Variants in MMP24 observed in about 807,000 individuals in gnomAD.
MMP24 encodes matrix metalloproteinase-24.
MMP24 carries 25 observed loss-of-function variants against 62.8 expected under a neutral mutation model. That is an observed-to-expected ratio of 0.40 (90% CI 0.29 to 0.56). MMP24 has a LOEUF of 0.56. Ranked by LOEUF, MMP24 falls within the 20% of genes least tolerant of loss-of-function variation. MMP24 has a pLI of 0.50. For missense variants in MMP24, 634 were observed against 853.6 expected (o/e 0.74, Z 3.21); for synonymous variants, 319 against 350.5 (o/e 0.91, Z 1.00).
chr20:35,251,345 G>A (rs766381663), intron 2 of MMP24, among the ~76,000 whole-genome samples: 2 of 151,750 alleles, frequency 1.3e-5, no homozygotes, highest in East Asian at 1.9e-4. Flanking sequence ...GGCTGGTCTC[G>A]AACTCCTGAC....
rs1328121199 is a variant in MMP24 at position 35,274,031 on chromosome 20, T to C, written c.1601-241T>C. On this transcript the variant is annotated intron_variant, in intron 8 of 8. Transcript: ENST00000246186. The surrounding 1 kb of genome is among the most constrained non-coding windows in gnomAD (Gnocchi z 5.1). Reference sequence around the variant, plus strand: ...CAGCACAAAGTGAACCATGTCCCAGTTCTCCCTGAAGCCCCTCTGGTTTCC... The same window carrying C: ...CAGCACAAAGTGAACCATGTCCCAGCTCTCCCTGAAGCCCCTCTGGTTTCC... 6.6e-6 allele frequency among the ~76,000 whole-genome samples: 1 copy of C among 152,130 alleles called. No homozygotes were observed. The highest frequency in any genetic ancestry group is 1.9e-4 in the East Asian group (1 of 5,182).
At chr20:35,246,147 C>T (rs1273248152) in intron 1 of MMP24, among the ~76,000 whole-genome samples, 2 of 152,024 alleles carry the variant, frequency 1.3e-5, no homozygotes, top group South Asian at 2.1e-4. Context: ...CAAAATACCA[C>T]TCTGCATCAC....
chr20:35,230,699 A>G (rs2060433759), intron 1 of MMP24, among the ~76,000 whole-genome samples: 1 of 152,172 alleles, frequency 6.6e-6, no homozygotes, highest in Non-Finnish European at 1.5e-5. Context: ...GATAACCGTG[A>G]CCTTAGAGAT....
At chr20:35,244,691 T>C (rs2425023) in intron 1 of MMP24, among the ~76,000 whole-genome samples, 72,041 of 149,518 alleles carry the variant, frequency 0.48, 21,035 homozygotes, top group African/African-American at 0.85. Context: ...CCACCCACCT[T>C]GGCCTTCCAA....
chr20:35,259,504 G>A (rs920868668), intron 4 of MMP24, among the ~76,000 whole-genome samples: 2 of 152,162 alleles, frequency 1.3e-5, no homozygotes, highest in Non-Finnish European at 2.9e-5. Flanking sequence ...CTGCTGGGAG[G>A]GCACAGCAGA....
In MMP24 at chr20:35,276,896, A is replaced by C. The variant is rs1248539151; in HGVS notation, c.*2287A>C. ...GGGCCCCAGAGCCTAGCTTCCCCTC[A>C]GCCTGGGGGACATCACAGCATTTCA... On this transcript the variant is annotated 3_prime_UTR_variant, in exon 9 of 9. Coordinates refer to ENST00000246186, the MANE Select transcript of MMP24 (RefSeq NM_006690.4). 2 of 152,810 alleles carry C rather than the reference A, an allele frequency of 1.3e-5. No homozygotes were observed. The highest frequency in any genetic ancestry group is 4.8e-5 in the African/African-American group (2 of 41,476). 9.5% of individuals were successfully genotyped at this position (152,810 alleles called of 1,614,324 possible).
chr20:35,275,706 ACTACTCTGAGGCCGACTCCAG>A lies in MMP24; in HGVS notation c.*1116_*1136del, dbSNP rs1281296388. 19 of 253,866 alleles carry A rather than the reference ACTACTCTGAGGCCGACTCCAG, an allele frequency of 7.5e-5. No individual in the cohort carries two copies. Among genetic ancestry groups the A allele is most frequent in the African/African-American group, 2.0e-4 (9 of 45,032 alleles). The allele number at this position is 253,866 out of a possible 1,614,324, so 15.7% of individuals were successfully genotyped here. ...GGCGTCTGAAGTGCTCAGTGCCCCC[ACTACTCTGAGGCCGACTCCAG>A]CTACTCTGAGGCCGACTCAATCTCT... On this transcript the variant is annotated 3_prime_UTR_variant, in exon 9 of 9. Coordinates refer to ENST00000246186, the MANE Select transcript of MMP24 (RefSeq NM_006690.4).
chr20:35,229,342 C>T (rs755152468), intron 1 of MMP24, among the ~76,000 whole-genome samples: 1 of 152,176 alleles, frequency 6.6e-6, no homozygotes, highest in Non-Finnish European at 1.5e-5. Flanking sequence ...TTAAGTGAGA[C>T]AGGTCCCAGC....
At chr20:35,262,612 T>C (rs999328706) in intron 4 of MMP24, 3 of 148,290 alleles carry the variant, frequency 2.0e-5, no homozygotes, top group Non-Finnish European at 4.5e-5. Context: ...GCCTTCCTCT[T>C]GTCTCAACTG....
intron 1 of MMP24, among the ~76,000 whole-genome samples, chr20:35,233,694 C>T (rs1267664098): frequency 2.6e-5 from 4 of 152,146 alleles, no homozygotes; most frequent in African/African-American, 7.2e-5. Flanking sequence ...TTATGGAAAA[C>T]TTTCAAATGC....
intron 1 of MMP24, among the ~76,000 whole-genome samples, chr20:35,231,548 TG>T (rs1384599399): frequency 1.3e-5 from 2 of 152,232 alleles, no homozygotes; most frequent in Non-Finnish European, 2.9e-5. Context: ...ATTTTTACTG[TG>T]GGGTTTCATA....
At chr20:35,272,387 T>C (rs536574617) in intron 8 of MMP24, among the ~76,000 whole-genome samples, 1 of 152,174 alleles carries the variant, frequency 6.6e-6, no homozygotes, top group Non-Finnish European at 1.5e-5. Context: ...TATAGGCACA[T>C]GCCACTGTGC....
intron 1 of MMP24, among the ~76,000 whole-genome samples, chr20:35,242,910 G>A (rs2060496091): frequency 6.6e-6 from 1 of 152,218 alleles, no homozygotes; most frequent in African/African-American, 2.4e-5. Flanking sequence ...AGGCACGGTG[G>A]CTCATGCCTG....
chr20:35,234,382 G>A (rs1032535524), intron 1 of MMP24, among the ~76,000 whole-genome samples: 2 of 152,170 alleles, frequency 1.3e-5, no homozygotes, highest in African/African-American at 4.8e-5. Context: ...CTCTCCCACC[G>A]GCTGTAACTT....
chr20:35,237,600 A>G (rs990428800), intron 1 of MMP24, among the ~76,000 whole-genome samples: 1 of 152,134 alleles, frequency 6.6e-6, no homozygotes, highest in Admixed American at 6.5e-5. Context: ...TCATTATTTT[A>G]CCTACCACAG....
Position 35,275,668 on chromosome 20 carries a change from G to A in MMP24, c.*1059G>A, listed in dbSNP as rs962711005. On this transcript the variant is annotated 3_prime_UTR_variant, in exon 9 of 9. Coordinates refer to ENST00000246186, the MANE Select transcript of MMP24 (RefSeq NM_006690.4). The stretch of plus-strand genomic sequence containing the variant: ...CACTGGCAGAGCCTGGGAGTCCTTC[G>A]GAAGGGGACCAGGGCGTCTGAAGTG... The A allele has an allele frequency of 1.0e-5, 2 of 193,880 alleles. No individual in the cohort carries two copies. Among genetic ancestry groups the A allele is most frequent in the Non-Finnish European group, 1.0e-5 (1 of 96,190 alleles). The allele number at this position is 193,880 out of a possible 1,614,324, so 12.0% of individuals were successfully genotyped here.
intron 1 of MMP24, among the ~76,000 whole-genome samples, chr20:35,227,588 G>C (rs2060420325): frequency 6.6e-6 from 1 of 151,934 alleles, no homozygotes; most frequent in South Asian, 2.1e-4. Flanking sequence ...CTTAGGAGGC[G>C]GCGAGCTGCT....
chr20:35,244,961 TATGAC>T (rs1197801406), intron 1 of MMP24, among the ~76,000 whole-genome samples: 3 of 152,196 alleles, frequency 2.0e-5, no homozygotes, highest in African/African-American at 7.2e-5. Context: ...AAAAAAAAGT[TATGAC>T]ATCATTTCAG....
intron 4 of MMP24, 116 bp downstream of exon 4, chr20:35,254,870 A>C: frequency 8.5e-7 from 1 of 1,183,280 alleles, no homozygotes; most frequent in Non-Finnish European, 1.2e-6. Context: ...AAGAACTAAG[A>C]CCGTAAGAGG....
Sources: allele counts gnomAD v4.1 joint callset (sites outside exome capture counted in the v4.1 genomes callset), GRCh38; gene constraint gnomAD v4.1.1; non-coding constraint Gnocchi (gnomAD v3.1); transcripts MANE v1.5; gene names NCBI Gene and HGNC (gene_info 2026-07-23, HGNC 2026-07-21).